Variants in FANK1 observed in about 807,000 individuals in gnomAD.
The protein encoded by FANK1 is fibronectin type 3 and ankyrin repeat domains protein 1.
FANK1 carries 44 observed loss-of-function variants against 45.3 expected under a neutral mutation model. The ratio of observed to expected loss-of-function variants is 0.97; its 90% CI spans 0.76 to 1.25. The LOEUF (loss-of-function observed/expected upper bound fraction) is 1.25, where lower values mean the gene tolerates loss of function less well. Ranked by LOEUF, FANK1 falls within the 50% of genes most tolerant of loss-of-function variation. The pLI is 0.00. For synonymous variants in FANK1, 149 were observed against 152.5 expected (o/e 0.98, Z 0.17); for missense variants, 391 against 424.4 (o/e 0.92, Z 0.69).
intron 1 of FANK1, among the ~76,000 whole-genome samples, chr10:125,956,215 G>T (rs1167644639): frequency 8.4e-6 from 1 of 118,450 alleles, no homozygotes; most frequent in Non-Finnish European, 1.8e-5. Flanking sequence ...GGGGGGGGCG[G>T]TGGTGGGGGT....
At chr10:125,998,830 A>G (rs76099677) in intron 6 of FANK1, among the ~76,000 whole-genome samples, 6,498 of 152,310 alleles carry the variant, frequency 0.043, 340 homozygotes, top group East Asian at 0.12. Context: ...AAACTAGAAA[A>G]TTCATTTAAA....
chr10:125,922,673 C>T (rs1312351728), intron 1 of FANK1, among the ~76,000 whole-genome samples: 1 of 152,138 alleles, frequency 6.6e-6, no homozygotes, highest in Admixed American at 6.5e-5. Context: ...TGCTGCCATG[C>T]CCAGCTAATT....
intron 2 of FANK1, among the ~76,000 whole-genome samples, chr10:125,984,571 G>A (rs527518847): frequency 6.6e-6 from 1 of 152,248 alleles, no homozygotes; most frequent in South Asian, 2.1e-4. Flanking sequence ...TCCAAGCCGA[G>A]ATGTCAGGGA....
At chr10:125,947,284 G>A (rs1247160513) in intron 1 of FANK1, among the ~76,000 whole-genome samples, 1 of 150,160 alleles carries the variant, frequency 6.7e-6, no homozygotes, top group Non-Finnish European at 1.5e-5. Context: ...AAATGTAAAT[G>A]GACTAAATTC....
intron 8 of FANK1, 82 bp from the exon 9 acceptor site, chr10:126,008,972 G>T (rs999234005): frequency 3.0e-6 from 4 of 1,349,210 alleles, no homozygotes; most frequent in Non-Finnish European, 4.2e-6. Flanking sequence ...CTGGGACCCT[G>T]CATGTGCCAG....
intron 5 of FANK1, among the ~76,000 whole-genome samples, chr10:125,996,961 T>C (rs1215001402): frequency 2.0e-5 from 3 of 152,152 alleles, no homozygotes; most frequent in African/African-American, 7.2e-5. Context: ...AACTTTCTGC[T>C]AGGTTGCTAA....
intron 1 of FANK1, among the ~76,000 whole-genome samples, chr10:125,956,206 G>T (rs761010190): frequency 1.4e-5 from 2 of 145,374 alleles, no homozygotes; most frequent in East Asian, 2.2e-4. Context: ...ATTTTTTGGG[G>T]GGGGGGCGGT....
intron 1 of FANK1, among the ~76,000 whole-genome samples, chr10:125,968,013 T>C (rs1463706617): frequency 6.6e-6 from 1 of 152,190 alleles, no homozygotes; most frequent in Non-Finnish European, 1.5e-5. Flanking sequence ...CTGAATATTA[T>C]TACCATTACA....
chr10:125,989,227 T>C (rs1669980921), intron 3 of FANK1: 1 of 1,500,882 alleles, frequency 6.7e-7, no homozygotes. Context: ...AGTTTTAAGG[T>C]TGTTTCTGAG....
chr10:125,906,252 A>G (rs1945503241), intron 1 of FANK1, among the ~76,000 whole-genome samples: 1 of 152,124 alleles, frequency 6.6e-6, no homozygotes, highest in Non-Finnish European at 1.5e-5. Flanking sequence ...ACAGTGGCTC[A>G]TGCCTGTAAT....
At chr10:125,982,788 G>A (rs1272795034) in intron 2 of FANK1, among the ~76,000 whole-genome samples, 3 of 152,120 alleles carry the variant, frequency 2.0e-5, no homozygotes, top group Non-Finnish European at 4.4e-5. Context: ...AATTGCTTCT[G>A]TGCTTTCCCT....
intron 1 of FANK1, among the ~76,000 whole-genome samples, chr10:125,955,167 A>C (rs112096116): frequency 0.015 from 2,290 of 151,318 alleles, 51 homozygotes; most frequent in African/African-American, 0.051. Flanking sequence ...GGTATGTTAC[A>C]TAGGTGTCAT....
chr10:125,966,028 C>T (rs1950185790), intron 1 of FANK1, among the ~76,000 whole-genome samples: 1 of 152,210 alleles, frequency 6.6e-6, no homozygotes, highest in Non-Finnish European at 1.5e-5. Context: ...TTATCCCCCA[C>T]TTTTCCTGAT....
At chr10:125,902,412 A>G (rs1945117876) in intron 1 of FANK1, among the ~76,000 whole-genome samples, 1 of 152,236 alleles carries the variant, frequency 6.6e-6, no homozygotes, top group Non-Finnish European at 1.5e-5. Flanking sequence ...ACTGCTGTTC[A>G]CAGATAGATG....
intron 1 of FANK1, among the ~76,000 whole-genome samples, chr10:125,977,470 T>A (rs1950925976): frequency 6.6e-6 from 1 of 152,156 alleles, no homozygotes; most frequent in South Asian, 2.1e-4. Flanking sequence ...TTCCTCACAG[T>A]TTCCGTCATG....
At chr10:125,945,340 C>T (rs935284261) in intron 1 of FANK1, among the ~76,000 whole-genome samples, 8 of 152,130 alleles carry the variant, frequency 5.3e-5, no homozygotes, top group East Asian at 3.9e-4. Flanking sequence ...TCTGAGGTAC[C>T]GGGTTTGTCT....
At chr10:125,956,212 G>T (rs1199277288) in intron 1 of FANK1, among the ~76,000 whole-genome samples, 1 of 132,278 alleles carries the variant, frequency 7.6e-6, no homozygotes, top group Non-Finnish European at 1.6e-5. Flanking sequence ...TGGGGGGGGG[G>T]CGGTGGTGGG....
chr10:126,008,997 C>T (rs770778220), intron 8 of FANK1, 57 bp from the exon 9 acceptor site: 10 of 1,544,008 alleles, frequency 6.5e-6, no homozygotes, highest in Non-Finnish European at 8.9e-6. Flanking sequence ...ATGCCCCCTG[C>T]TGTGTGTGCC....
At chr10:125,940,798 C>T (rs1948405428) in intron 1 of FANK1, among the ~76,000 whole-genome samples, 1 of 152,204 alleles carries the variant, frequency 6.6e-6, no homozygotes, top group African/African-American at 2.4e-5. Flanking sequence ...GTGCGTTGTG[C>T]CCCCTGCTTA....
Sources: gnomAD v4.1 joint callset for allele counts (sites outside exome capture counted in the v4.1 genomes callset) on GRCh38, gnomAD v4.1.1 for gene constraint, MANE v1.5 for transcripts, NCBI Gene and HGNC (gene_info 2026-07-23, HGNC 2026-07-21) for gene names.